The following ATP2A3 variants were observed in gnomAD, a reference collection of about 807,000 sequenced individuals.
ATP2A3 encodes the protein sarcoplasmic/endoplasmic reticulum calcium ATPase 3.
In ATP2A3, 61 loss-of-function variants were observed where a neutral mutation model predicts 106.8. The ratio of observed to expected loss-of-function variants is 0.57; its 90% CI spans 0.46 to 0.71. The LOEUF is 0.71. Among genes scored for constraint, ATP2A3 ranks in the 30% least tolerant of loss-of-function variants. The pLI, the probability that ATP2A3 is intolerant of heterozygous loss-of-function variation, is 0.00. For missense variants in ATP2A3, 1,201 were observed against 1,423.5 expected, an observed-to-expected ratio of 0.84 and a Z score of 2.52; for synonymous variants, 611 against 609.3, an observed-to-expected ratio of 1.00 and a Z score of -0.04.
intron 17 of ATP2A3, among the ~76,000 whole-genome samples, chr17:3,932,167 T>C (rs576036451): frequency 6.6e-6 from 1 of 152,176 alleles, no homozygotes; most frequent in East Asian, 1.9e-4. Context: ...TTTTCGAGAC[T>C]GAGTCTCACT....
In ATP2A3 at chr17:3,928,730, G is replaced by A. The variant is rs1212397598; in HGVS notation, c.2913C>T (p.Leu971=). The change falls in exon 20 of 21, where the codon CTC becomes CTT. Residue 971 remains leucine (L), a synonymous_variant. Transcript: ENST00000397041. The surrounding 1 kb of genome is among the most constrained non-coding windows in gnomAD (Gnocchi z 6.1). Reference sequence around the variant, plus strand: ...GCAGGATGACAGGCAGAGATATCTGGAGCACCACCACCCACTGGCGCCCGC... The same window carrying A: ...GCAGGATGACAGGCAGAGATATCTGAAGCACCACCACCCACTGGCGCCCGC... ...PLSGRQWVVV[L]QISLPVILLD... is the part of the protein sequence containing the mutation. 1.2e-5 allele frequency: 18 copies of A among 1,551,754 alleles called. No homozygotes were observed. Among genetic ancestry groups the A allele is most frequent in the Non-Finnish European group, 1.6e-5 (18 of 1,147,454 alleles).
chr17:3,935,134 G>A (rs1597589164), intron 17 of ATP2A3, 58 bp downstream of exon 17: 3 of 1,573,176 alleles, frequency 1.9e-6, no homozygotes, highest in Middle Eastern at 1.7e-4. Flanking sequence ...CATCTCCCCT[G>A]GAACTCCAAC....
At position 3,926,457 on chromosome 17, in the gene ATP2A3, A is replaced by G. The variant is rs1171329098; in HGVS notation, c.2981-1016T>C. On this transcript the variant is annotated intron_variant, in intron 20 of 20. Coordinates refer to ENST00000397041, the MANE Select transcript of ATP2A3 (RefSeq NM_005173.4). The surrounding 1 kb of genome is among the most constrained non-coding windows in gnomAD (Gnocchi z 4.6). ...ACCACCTTTCCAAGCCAAACTTCAC[A>G]GGGACCACCGTCAACATCTCAAGGA... Among the ~76,000 whole-genome samples the G allele has an allele frequency of 6.6e-6, 1 of 151,884 alleles. No individual in the cohort carries two copies. The highest frequency in any genetic ancestry group is 2.4e-5 in the African/African-American group (1 of 41,294).
In ATP2A3 at chr17:3,944,718, G is replaced by A; in HGVS notation, c.1273C>T (p.Leu425=). 6.2e-7 allele frequency: 1 copy of A among 1,613,334 alleles called. No individual in the cohort carries two copies. Among genetic ancestry groups the A allele is most frequent in the Non-Finnish European group, 8.5e-7 (1 of 1,179,660 alleles). ...GTGAGGCCCACCTCGTTGTAGTCCA[G>A]AGCCGAGTCGTTGCACAGGGCGCAG... ...TICALCNDSA[L]DYNEAKGVYE... Residue 425 remains leucine, a synonymous_variant, in exon 10 of 21, where the codon CTG becomes TTG. Coordinates refer to ENST00000397041, the MANE Select transcript of ATP2A3 (RefSeq NM_005173.4).
At chr17:3,946,906 G>C (rs1310955185) in intron 8 of ATP2A3, among the ~76,000 whole-genome samples, 1 of 152,242 alleles carries the variant, frequency 6.6e-6, no homozygotes, top group African/African-American at 2.4e-5. Context: ...GTGAGCCCAG[G>C]ATGTGGGATG....
chr17:3,953,530 C>T lies in ATP2A3; in HGVS notation c.137-101G>A. ...GACCTCCCGGCCCATTCCCTCCCTG[C>T]ACTCAGAAGAGGGAGAACCCAGGTC... On this transcript the variant is annotated intron_variant, in intron 2 of 20. Coordinates refer to ENST00000397041, the MANE Select transcript of ATP2A3 (RefSeq NM_005173.4). The surrounding 1 kb of genome is among the most constrained non-coding windows in gnomAD (Gnocchi z 5.1). 1 of 1,499,046 alleles carries T rather than the reference C, an allele frequency of 6.7e-7. No individual in the cohort carries two copies. Among genetic ancestry groups the T allele is most frequent in the Non-Finnish European group, 9.2e-7 (1 of 1,084,494 alleles). 92.9% of individuals were successfully genotyped at this position (1,499,046 alleles called of 1,614,324 possible).
Position 3,925,151 on chromosome 17 carries a change from T to C in ATP2A3, c.*271A>G. The C allele has an allele frequency of 1.7e-6, 1 of 597,542 alleles. No homozygotes were observed. The allele number at this position is 597,542 out of a possible 1,614,324, so 37.0% of individuals were successfully genotyped here. A position where few individuals can be genotyped will look rare whatever the true frequency, so the allele number is the denominator to read the frequency against. On this transcript the variant is annotated 3_prime_UTR_variant, in exon 21 of 21. Transcript: ENST00000397041. This position sits in a 1 kb window ranked among gnomAD's most constrained non-coding sequence, Gnocchi z 4.2. ...GCTTCTTGGCTGCCCCCTCCCAGCC[T>C]GCAGCTCCTGGGCCAGAGCTGCAGA...
intron 8 of ATP2A3, 27 bp from the exon 9 acceptor site, chr17:3,945,175 C>A: frequency 6.5e-7 from 1 of 1,537,152 alleles, no homozygotes; most frequent in South Asian, 1.2e-5. Flanking sequence ...CGTGCTTAGG[C>A]GGGCGGGGTC....
rs865873911 is a variant in ATP2A3, at chr17:3,953,259, A to G, written c.219+88T>C. 2 of 1,426,596 alleles carry G rather than the reference A, an allele frequency of 1.4e-6. No individual in the cohort carries two copies. The highest frequency in any genetic ancestry group is 1.1e-5 in the South Asian group (1 of 87,070). The allele number at this position is 1,426,596 out of a possible 1,614,324, so 88.4% of individuals were successfully genotyped here. A position where few individuals can be genotyped will look rare whatever the true frequency, so the allele number is the denominator to read the frequency against. On this transcript the variant is annotated intron_variant, in intron 3 of 20. Transcript: ENST00000397041. The surrounding 1 kb of genome is among the most constrained non-coding windows in gnomAD (Gnocchi z 5.1). ...GGCCCAGGGTGTGGAGGACAGGCCC[A>G]GGCTCCAGGACCTCGGAGCACTGCC... is the stretch of plus-strand genomic sequence containing the variant.
intron 20 of ATP2A3, chr17:3,927,189 C>G: frequency 1.0e-6 from 1 of 985,444 alleles, no homozygotes; most frequent in Non-Finnish European, 1.2e-6. Context: ...TGTCCCCTCC[C>G]GCTAGGACCC....
chr17:3,930,589 G>T lies in ATP2A3; in HGVS notation c.2611-155C>A. ...GTGGGCTGGGGATCCCGGGAGGGGT[G>T]CGGGGTCGGGGCGGCGGTGGGGAGA... is the stretch of plus-strand genomic sequence containing the variant. On this transcript the variant is annotated intron_variant, in intron 17 of 20. Transcript: ENST00000397041. This position sits in a 1 kb window ranked among gnomAD's most constrained non-coding sequence, Gnocchi z 5.4. The T allele has an allele frequency of 8.9e-7, 1 of 1,120,178 alleles. No individual in the cohort carries two copies. The highest frequency in any genetic ancestry group is 1.6e-5 in the African/African-American group (1 of 64,112). 69.4% of individuals were successfully genotyped at this position (1,120,178 alleles called of 1,614,324 possible).
intron 1 of ATP2A3, among the ~76,000 whole-genome samples, chr17:3,957,242 C>T (rs1307927048): frequency 6.6e-6 from 1 of 152,246 alleles, no homozygotes; most frequent in Non-Finnish European, 1.5e-5. Flanking sequence ...TTACAGAGTA[C>T]ACAACAGAGA....
Position 3,942,502 on chromosome 17 carries a change from C to A in ATP2A3, c.1545+104G>T, listed in dbSNP as rs2053837164. The A allele has an allele frequency of 6.0e-6, 9 of 1,503,166 alleles. No homozygotes were observed. In the South Asian group the frequency reaches 1.1e-4, roughly 19 times the overall value. The allele number at this position is 1,503,166 out of a possible 1,614,324, so 93.1% of individuals were successfully genotyped here. A position where few individuals can be genotyped will look rare whatever the true frequency, so the allele number is the denominator to read the frequency against. ...AAAGGGGCTCCTGAGAACTTGTAAC[C>A]CAACCCTGCCATTCACACGGGAGGA... On this transcript the variant is annotated intron_variant, in intron 12 of 20. Transcript: ENST00000397041.
chr17:3,946,465 G>A (rs913916762), intron 8 of ATP2A3, among the ~76,000 whole-genome samples: 1 of 152,054 alleles, frequency 6.6e-6, no homozygotes. Flanking sequence ...TGAGGCAGGA[G>A]AATCGCTTGA....
At position 3,928,974 on chromosome 17, in the gene ATP2A3, A is replaced by G. The variant is rs1288847737; in HGVS notation, c.2863-194T>C. On this transcript the variant is annotated intron_variant, in intron 19 of 20. Coordinates refer to ENST00000397041, the MANE Select transcript of ATP2A3 (RefSeq NM_005173.4). This position sits in a 1 kb window ranked among gnomAD's most constrained non-coding sequence, Gnocchi z 6.1. The stretch of plus-strand genomic sequence containing the variant: ...TTTGTCTGTTCAGCTGCACCCCCCA[A>G]TCTTTGTCCGCTCAGCTTCCTCTGC... 7.2e-6 allele frequency among the ~76,000 whole-genome samples: 1 copy of G among 138,674 alleles called. No homozygotes were observed. The highest frequency in any genetic ancestry group is 1.5e-5 in the Non-Finnish European group (1 of 65,476). The allele number at this position is 138,674 out of a possible 152,430, so 91.0% of individuals were successfully genotyped here. A position where few individuals can be genotyped will look rare whatever the true frequency, so the allele number is the denominator to read the frequency against.
At chr17:3,958,849 A>AATATATATATAT (rs775662160) in intron 1 of ATP2A3, among the ~76,000 whole-genome samples, 2,028 of 84,036 alleles carry the variant, frequency 0.024, 67 homozygotes, top group Non-Finnish European at 0.034. Context: ...CACATATATA[A>AATATATATATAT]ATATATATAT....
rs1470291382 is a variant in ATP2A3 at position 3,939,789 on chromosome 17, A to T, written c.2100+1182T>A. 2.5e-3 allele frequency among the ~76,000 whole-genome samples: 346 copies of T among 140,994 alleles called. 10 individuals carry two copies. The East Asian group carries it at 0.035, about 14-fold the overall frequency. The allele number at this position is 140,994 out of a possible 152,430, so 92.5% of individuals were successfully genotyped here. ...GGTGACAGAGCGAGACTCTGTCTAA[A>T]AAAAAAAAAAAAAAAAAAAAAAAGC... On this transcript the variant is annotated intron_variant, in intron 14 of 20. Transcript: ENST00000397041.
intron 20 of ATP2A3, chr17:3,927,387 G>A: frequency 1.0e-6 from 1 of 985,488 alleles, no homozygotes; most frequent in Non-Finnish European, 1.2e-6. Context: ...CTCTCCCGAG[G>A]AAGACAAGCC....
Position 3,928,182 on chromosome 17 carries a change from G to C in ATP2A3, c.2980+481C>G. ...GGGGTTAAGGCAGACCCAGAGCTGT[G>C]AGCTCAGAAACAACCCTCCCCTTGA... On this transcript the variant is annotated intron_variant, in intron 20 of 20. Transcript: ENST00000397041. The surrounding 1 kb of genome is among the most constrained non-coding windows in gnomAD (Gnocchi z 6.1). 1.2e-6 allele frequency: 2 copies of C among 1,603,334 alleles called. No homozygotes were observed. Among genetic ancestry groups the C allele is most frequent in the South Asian group, 1.1e-5 (1 of 90,848 alleles).
Sources: allele counts gnomAD v4.1 joint callset (sites outside exome capture counted in the v4.1 genomes callset), GRCh38; gene constraint gnomAD v4.1.1; non-coding constraint Gnocchi (gnomAD v3.1); transcripts MANE v1.5; gene names NCBI Gene and HGNC (gene_info 2026-07-23, HGNC 2026-07-21).